Variants in SEMA4F observed in about 807,000 individuals in gnomAD.
SEMA4F encodes ssemaphorin 4F, also known as semaphorin-4F.
Under a neutral mutation model 78.4 loss-of-function variants are expected in SEMA4F, and 51 were observed. The ratio of observed to expected loss-of-function variants is 0.65; its 90% CI spans 0.52 to 0.82. The LOEUF (loss-of-function observed/expected upper bound fraction) is 0.82. Among genes scored for constraint, SEMA4F ranks in the 40% least tolerant of loss-of-function variants. The pLI, the probability that SEMA4F is intolerant of heterozygous loss-of-function variation, is 0.00. For missense variants in SEMA4F, 938 were observed against 1,014.4 expected (o/e 0.92, Z 1.02); for synonymous variants, 418 against 408.7 (o/e 1.02, Z -0.27).
At chr2:74,660,971 A>T (rs1309283856) in intron 4 of SEMA4F, among the ~76,000 whole-genome samples, 3 of 152,208 alleles carry the variant, frequency 2.0e-5, no homozygotes, top group African/African-American at 7.2e-5. Context: ...CTAAAGGTGG[A>T]TTCTTAGGAT....
chr2:74,676,179 A>G (rs184827560), intron 12 of SEMA4F, among the ~76,000 whole-genome samples: 143 of 152,210 alleles, frequency 9.4e-4, no homozygotes, highest in African/African-American at 3.4e-3. Context: ...CTTAGTTTTC[A>G]TCTTACAAGA....
chr2:74,662,118 A>G (rs1419931393), intron 4 of SEMA4F, among the ~76,000 whole-genome samples: 1 of 152,158 alleles, frequency 6.6e-6, no homozygotes, highest in Non-Finnish European at 1.5e-5. Flanking sequence ...AAACTCTCAC[A>G]TTCTGACCTG....
rs530434362 is a variant in SEMA4F, at chr2:74,680,252, G to A, written c.*43G>A. The A allele has an allele frequency of 5.9e-6, 9 of 1,516,384 alleles. No individual in the cohort carries two copies. The East Asian group carries it at 6.9e-5, about 12-fold the overall frequency. The allele number at this position is 1,516,384 out of a possible 1,614,324, so 93.9% of individuals were successfully genotyped here. On this transcript the variant is annotated 3_prime_UTR_variant, in exon 14 of 14. Transcript: ENST00000357877. ...CTAGTGTATAAGTGATCACTGGAAC[G>A]GAGTGACCACTGAGATGCTGGGGGT...
At chr2:74,662,363 A>T (rs1017861356) in intron 4 of SEMA4F, among the ~76,000 whole-genome samples, 2 of 152,124 alleles carry the variant, frequency 1.3e-5, no homozygotes, top group African/African-American at 4.8e-5. Flanking sequence ...GTCATGTAGC[A>T]TATTCTCCAG....
intron 4 of SEMA4F, among the ~76,000 whole-genome samples, chr2:74,660,558 C>G (rs1348553090): frequency 1.3e-5 from 2 of 152,248 alleles, no homozygotes; most frequent in Non-Finnish European, 2.9e-5. Context: ...AGCTGATTCT[C>G]AGAGACTATG....
the SEMA4F span, among the ~76,000 whole-genome samples, chr2:74,699,382 A>G: frequency 6.6e-6 from 1 of 152,148 alleles, no homozygotes; most frequent in Admixed American, 6.5e-5. Context: ...TGTGGATCAG[A>G]TACCTCCTAG....
At position 74,656,617 on chromosome 2, in the gene SEMA4F, C is replaced by T. The variant is rs762638118; in HGVS notation, c.229C>T (p.Leu77Phe). 2 of 1,614,204 alleles carry T rather than the reference C, an allele frequency of 1.2e-6. No individual in the cohort carries two copies. The highest frequency in any genetic ancestry group is 1.1e-5 in the South Asian group (1 of 91,086). The change falls in exon 2 of 14, where the codon CTT becomes TTT. Residue 77 changes from leucine to phenylalanine, a missense_variant. Physicochemically the swap from Leu to Phe is conservative, Grantham distance 22 (BLOSUM62 0). Coordinates refer to ENST00000357877, the MANE Select transcript of SEMA4F (RefSeq NM_004263.5). ...VLLVDPASHT[L>F]YVGARDTIFA... Reference sequence around the variant, plus strand: ...CCTTGTGGATCCTGCCTCCCACACACTTTATGTTGGCGCCCGGGACACCAT... The same window carrying T: ...CCTTGTGGATCCTGCCTCCCACACATTTTATGTTGGCGCCCGGGACACCAT...
rs746601691 is a variant in SEMA4F at position 74,679,638 on chromosome 2, C to T, written c.1742C>T (p.Ala581Val). 17 of 1,610,120 alleles carry T rather than the reference C, an allele frequency of 1.1e-5. No homozygotes were observed. Among genetic ancestry groups the T allele is most frequent in the South Asian group, 8.8e-5 (8 of 91,002 alleles). Reference protein sequence around the residue: ...VVFEVPVATAAHVVLPCSPSS... With the variant: ...VVFEVPVATAVHVVLPCSPSS... ...TTTGAAGTTCCCGTGGCTACAGCTG[C>T]GCATGTGGTCTTGCCATGTTCTCCA... Residue 581 changes from alanine to valine, a missense_variant, in exon 14 of 14, where the codon GCG becomes GTG. Transcript: ENST00000357877.
At position 74,661,405 on chromosome 2, in the gene SEMA4F, T is replaced by G. The variant is rs912925901; in HGVS notation, c.457-1327T>G. 2.1e-4 allele frequency among the ~76,000 whole-genome samples: 32 copies of G among 152,330 alleles called. No individual in the cohort carries two copies. In the Middle Eastern group the frequency reaches 0.01, roughly 49 times the overall value. ...CTTCAGATTAATCTTGGGTGGGTAT[T>G]AGAATAACTTGGTTGGTGGGGGTGG... is the stretch of plus-strand genomic sequence containing the variant. On this transcript the variant is annotated intron_variant, in intron 4 of 13. Transcript: ENST00000357877.
rs1683987388 is a variant in SEMA4F at position 74,654,256 on chromosome 2, C to T, written c.-121C>T. 8 of 1,206,564 alleles carry T rather than the reference C, an allele frequency of 6.6e-6. No individual in the cohort carries two copies. Among genetic ancestry groups the T allele is most frequent in the Non-Finnish European group, 8.6e-6 (8 of 929,524 alleles). 74.7% of individuals were successfully genotyped at this position (1,206,564 alleles called of 1,614,324 possible). A position where few individuals can be genotyped will look rare whatever the true frequency, so the allele number is the denominator to read the frequency against. On this transcript the variant is annotated 5_prime_UTR_variant, in exon 1 of 14. Transcript: ENST00000357877. Reference sequence around the variant, plus strand: ...GGCGGAGCCGGGCGGTGTTTCATCCCTCAGCCTCAGGCTGAGCCGGACCGA... The same window carrying T: ...GGCGGAGCCGGGCGGTGTTTCATCCTTCAGCCTCAGGCTGAGCCGGACCGA...
intron 4 of SEMA4F, among the ~76,000 whole-genome samples, chr2:74,661,762 T>G (rs1168204515): frequency 6.6e-6 from 1 of 152,208 alleles, no homozygotes; most frequent in African/African-American, 2.4e-5. Flanking sequence ...AGTGGGCCAG[T>G]AGTACACTTA....
chr2:74,706,788 CTCT>C, the SEMA4F span, among the ~76,000 whole-genome samples: 3 of 152,088 alleles, frequency 2.0e-5, 1 homozygote, highest in South Asian at 6.2e-4. Flanking sequence ...TGTTTGAAAT[CTCT>C]TCATCTCATT....
Position 74,673,733 on chromosome 2 carries a change from G to T in SEMA4F, c.727G>T (p.Gly243Ter). 6.2e-7 allele frequency: 1 copy of T among 1,614,182 alleles called. No individual in the cohort carries two copies. Among genetic ancestry groups the T allele is most frequent in the Non-Finnish European group, 8.5e-7 (1 of 1,180,040 alleles). The change falls in exon 7 of 14, where the codon GGA becomes TGA. Residue 243 changes from glycine (G) to a stop codon, truncating the protein, a stop_gained. Coordinates refer to ENST00000357877, the MANE Select transcript of SEMA4F (RefSeq NM_004263.5). LOFTEE classifies it high-confidence loss of function. ...CCCAGCCGAATGGGGGGATGAAGAT[G>T]GAGACGACGAAATCTACTTCTTCTT... Reference protein sequence around the residue: ...LSPAEWGDEDGDDEIYFFFTE... With the variant: ...LSPAEWGDED
intron 12 of SEMA4F, 50 bp from the exon 13 acceptor site, chr2:74,679,226 G>A (rs1313191659): frequency 7.4e-7 from 1 of 1,357,634 alleles, no homozygotes; most frequent in Non-Finnish European, 1.1e-6. Flanking sequence ...ACTGAGGGGG[G>A]TTGAAGGGAA....
intron 5 of SEMA4F, among the ~76,000 whole-genome samples, chr2:74,664,299 AATTC>A (rs1441207003): frequency 6.6e-6 from 1 of 152,216 alleles, no homozygotes. Flanking sequence ...ATAATTTAAA[AATTC>A]ATTGTAAAGA....
chr2:74,708,296 GAGA>G, the SEMA4F span, among the ~76,000 whole-genome samples: 2 of 152,146 alleles, frequency 1.3e-5, no homozygotes, highest in Non-Finnish European at 2.9e-5. Flanking sequence ...TACCAGGTAT[GAGA>G]AGAAGTAGAA....
downstream of SEMA4F, among the ~76,000 whole-genome samples, chr2:74,684,980 A>C (rs940915437): frequency 2.0e-5 from 3 of 152,216 alleles, no homozygotes; most frequent in Non-Finnish European, 4.4e-5. Flanking sequence ...TCAAACAAAA[A>C]CAAAACCAAA....
chr2:74,675,671 A>G (rs373956650), intron 11 of SEMA4F, 37 bp downstream of exon 11: 36 of 1,612,746 alleles, frequency 2.2e-5, no homozygotes, highest in Non-Finnish European at 3.0e-5. Flanking sequence ...TTGGGGAGAC[A>G]TCTGAGTCCA....
At chr2:74,688,930 G>T in the SEMA4F span, among the ~76,000 whole-genome samples, 1 of 152,120 alleles carries the variant, frequency 6.6e-6, no homozygotes, top group Non-Finnish European at 1.5e-5. Context: ...GGTCTATTTA[G>T]GTCAGGTTCT....
Sources: gnomAD v4.1 joint callset for allele counts (sites outside exome capture counted in the v4.1 genomes callset) on GRCh38, gnomAD v4.1.1 for gene constraint, MANE v1.5 for transcripts, NCBI Gene and HGNC (gene_info 2026-07-23, HGNC 2026-07-21) for gene names.